The following GRID2 variants were observed in gnomAD, a reference collection of about 807,000 sequenced individuals.
GRID2 encodes glutamate ionotropic receptor delta type subunit 2.
GRID2 carries 33 observed loss-of-function variants against 114.8 expected under a neutral mutation model. That is an observed-to-expected ratio of 0.29 (90% CI 0.22 to 0.38). GRID2 has a LOEUF of 0.38. Ranked by LOEUF, GRID2 falls within the 10% of genes least tolerant of loss-of-function variation. The pLI is 1.00. For missense variants in GRID2, 1,184 were observed against 1,257.7 expected, an observed-to-expected ratio of 0.94 and a Z score of 0.89; for synonymous variants, 505 against 449.9, an observed-to-expected ratio of 1.12 and a Z score of -1.55.
chr4:93,102,305 A>G (rs1366661179), intron 3 of GRID2, among the ~76,000 whole-genome samples: 3 of 152,176 alleles, frequency 2.0e-5, no homozygotes, highest in Admixed American at 1.3e-4. Context: ...TCTTCACTGT[A>G]ATTTGTTAAA....
chr4:92,640,882 G>A (rs959924011), intron 2 of GRID2, among the ~76,000 whole-genome samples: 44 of 151,598 alleles, frequency 2.9e-4, no homozygotes, highest in African/African-American at 1.0e-3. Flanking sequence ...CACATTACAT[G>A]ATACATTTTA....
intron 4 of GRID2, among the ~76,000 whole-genome samples, chr4:93,111,750 A>AATTT (rs1732784294): frequency 1.2e-5 from 1 of 85,090 alleles, no homozygotes. Flanking sequence ...TTTGTTTAAT[A>AATTT]CTTTTTTTTT....
intron 6 of GRID2, among the ~76,000 whole-genome samples, chr4:93,222,342 G>C (rs765073375): frequency 1.8e-4 from 27 of 151,944 alleles, no homozygotes; most frequent in Non-Finnish European, 2.4e-4. Flanking sequence ...TCAGAAGTTG[G>C]CAGGGTAGGA....
At chr4:93,495,887 G>A (rs532879401) in intron 12 of GRID2, among the ~76,000 whole-genome samples, 3 of 151,860 alleles carry the variant, frequency 2.0e-5, no homozygotes, top group Non-Finnish European at 2.9e-5. Context: ...TTTAAAGAGA[G>A]GATGTGGCTT....
intron 2 of GRID2, among the ~76,000 whole-genome samples, chr4:93,003,202 A>G (rs972987882): frequency 4.6e-5 from 7 of 151,984 alleles, no homozygotes; most frequent in African/African-American, 1.7e-4. Flanking sequence ...GCCAGTCTAT[A>G]GAATTATTTA....
intron 2 of GRID2, among the ~76,000 whole-genome samples, chr4:92,606,940 T>G (rs1289380881): frequency 6.6e-6 from 1 of 152,048 alleles, no homozygotes; most frequent in African/African-American, 2.4e-5. Flanking sequence ...AAAATCTGTA[T>G]GTTCATGGAC....
At chr4:92,931,643 C>CAG (rs1441969564) in intron 2 of GRID2, among the ~76,000 whole-genome samples, 1 of 149,988 alleles carries the variant, frequency 6.7e-6, no homozygotes, top group East Asian at 2.0e-4. Context: ...CACACACACA[C>CAG]AGCATTCGGA....
intron 1 of GRID2, among the ~76,000 whole-genome samples, chr4:92,310,240 G>A (rs555669885): frequency 2.6e-5 from 4 of 152,006 alleles, no homozygotes; most frequent in African/African-American, 9.6e-5. Flanking sequence ...TTGTAAAAAG[G>A]CACTATCTTC....
At chr4:92,595,653 A>G (rs1347141087) in intron 2 of GRID2, among the ~76,000 whole-genome samples, 1 of 152,126 alleles carries the variant, frequency 6.6e-6, no homozygotes, top group Admixed American at 6.6e-5. Context: ...GATTATGCTT[A>G]TAAAACAATA....
At chr4:93,650,886 TA>T (rs1302826253) in intron 14 of GRID2, among the ~76,000 whole-genome samples, 1 of 145,904 alleles carries the variant, frequency 6.9e-6, no homozygotes, top group Non-Finnish European at 1.5e-5. Context: ...AGTTGTCCCT[TA>T]AAATATTTTA....
intron 13 of GRID2, among the ~76,000 whole-genome samples, chr4:93,580,446 T>C (rs1441665570): frequency 6.6e-6 from 1 of 152,238 alleles, no homozygotes; most frequent in African/African-American, 2.4e-5. Context: ...TCCTGTGTTT[T>C]CAGGCTTGTA....
At chr4:92,608,657 C>A (rs1385720557) in intron 2 of GRID2, among the ~76,000 whole-genome samples, 1 of 151,762 alleles carries the variant, frequency 6.6e-6, no homozygotes, top group African/African-American at 2.4e-5. Context: ...GGTTTCCTAA[C>A]TGAGTTAGAC....
At chr4:92,618,293 G>A (rs1730100822) in intron 2 of GRID2, among the ~76,000 whole-genome samples, 1 of 151,524 alleles carries the variant, frequency 6.6e-6, no homozygotes, top group Non-Finnish European at 1.5e-5. Flanking sequence ...TGTTCTGGAT[G>A]CCTTTTTCAA....
intron 2 of GRID2, among the ~76,000 whole-genome samples, chr4:92,776,112 A>G (rs1371851412): frequency 6.6e-6 from 1 of 152,180 alleles, no homozygotes; most frequent in South Asian, 2.1e-4. Flanking sequence ...GGGAAAAATA[A>G]CTGGTATATG....
chr4:92,723,790 A>G (rs1176053949), intron 2 of GRID2, among the ~76,000 whole-genome samples: 1 of 152,164 alleles, frequency 6.6e-6, no homozygotes, highest in Non-Finnish European at 1.5e-5. Flanking sequence ...TTGATTTAGG[A>G]CTAATCCCTT....
At chr4:93,401,876 A>G (rs775087753) in intron 9 of GRID2, among the ~76,000 whole-genome samples, 1 of 151,478 alleles carries the variant, frequency 6.6e-6, no homozygotes, top group Non-Finnish European at 1.5e-5. Flanking sequence ...ATTTTGAGTA[A>G]TTTCTTTTTC....
rs1755512219 is a variant in GRID2 at position 93,307,122 on chromosome 4, G to GCC, written c.1245+68632_1245+68633insCC. 4.6e-5 allele frequency among the ~76,000 whole-genome samples: 7 copies of GCC among 151,482 alleles called. No homozygotes were observed. The South Asian group carries it at 1.5e-3, about 31-fold the overall frequency. On this transcript the variant is annotated intron_variant, in intron 8 of 15. Coordinates refer to ENST00000282020, the MANE Select transcript of GRID2 (RefSeq NM_001510.4). Reference sequence around the variant, plus strand: ...GGGGCAGGAGAATTGCTTGAATGGGGACCCGGGAGGTGGATGTTGCAGTGA... The same window carrying GCC: ...GGGGCAGGAGAATTGCTTGAATGGGGCCACCCGGGAGGTGGATGTTGCAGTGA...
chr4:92,416,753 A>G (rs1236099256), intron 1 of GRID2, among the ~76,000 whole-genome samples: 1 of 151,886 alleles, frequency 6.6e-6, no homozygotes, highest in Non-Finnish European at 1.5e-5. Flanking sequence ...ATTCTGTTCC[A>G]TTGGTCTAGG....
At chr4:93,543,905 A>C (rs191747399) in intron 13 of GRID2, among the ~76,000 whole-genome samples, 50 of 152,264 alleles carry the variant, frequency 3.3e-4, no homozygotes, top group Non-Finnish European at 5.7e-4. Flanking sequence ...ATAAGAACAA[A>C]CCACAAAAAT....
Sources: allele counts gnomAD v4.1 joint callset (sites outside exome capture counted in the v4.1 genomes callset), GRCh38; gene constraint gnomAD v4.1.1; transcripts MANE v1.5; gene names NCBI Gene and HGNC (gene_info 2026-07-23, HGNC 2026-07-21).